VAV3: variants seen among roughly 807,000 people sequenced by gnomAD.
The protein encoded by VAV3 is vav guanine nucleotide exchange factor 3, also known as guanine nucleotide exchange factor VAV3.
Under a neutral mutation model 131.2 loss-of-function variants are expected in VAV3, and 94 were observed. The ratio of observed to expected loss-of-function variants is 0.72; its 90% confidence interval spans 0.61 to 0.85. The LOEUF is 0.85. Ranked by LOEUF, VAV3 falls within the 40% of genes least tolerant of loss-of-function variation. The probability of loss-of-function intolerance (pLI) is 0.00; values close to 1 mark genes in which losing one functional copy is unlikely to be tolerated. For missense variants in VAV3, 939 were observed against 1,002.7 expected (o/e 0.94, Z 0.86); for synonymous variants, 349 against 342.0 (o/e 1.02, Z -0.22).
rs547772414 is a variant in VAV3 at position 107,772,923 on chromosome 1, G to A, written c.447-80C>T. ...GCTACAAATAGCCTACTGGATTTTAGTAAAAAATCCAGAAAGGAAATAAAA... is the reference window on the plus strand; with the variant it reads ...GCTACAAATAGCCTACTGGATTTTAATAAAAAATCCAGAAAGGAAATAAAA... On this transcript the variant is annotated intron_variant, in intron 4 of 26. Coordinates refer to ENST00000370056, the MANE Select transcript of VAV3 (RefSeq NM_006113.5). 347 of 1,204,918 alleles carry A rather than the reference G, an allele frequency of 2.9e-4. 3 individuals are homozygous for A. In the South Asian group the frequency reaches 4.5e-3, roughly 16 times the overall value. 74.6% of individuals were successfully genotyped at this position (1,204,918 alleles called of 1,614,324 possible). A position where few individuals can be genotyped will look rare whatever the true frequency, so the allele number is the denominator to read the frequency against.
chr1:107,864,533 G>C (rs1196926020), intron 2 of VAV3, among the ~76,000 whole-genome samples: 2 of 152,180 alleles, frequency 1.3e-5, no homozygotes, highest in African/African-American at 4.8e-5. Flanking sequence ...TGAGGTGGAA[G>C]GATTGCTTCA....
intron 2 of VAV3, among the ~76,000 whole-genome samples, chr1:107,798,018 A>G (rs1479865515): frequency 2.0e-5 from 3 of 152,178 alleles, no homozygotes; most frequent in Non-Finnish European, 4.4e-5. Context: ...ACACAAGACC[A>G]TAGTTTCAAA....
In VAV3 at chr1:107,681,590, T is replaced by C. The variant is rs528175440; in HGVS notation, c.1777+1898A>G. Reference sequence around the variant, plus strand: ...AAGATCATCAAGTGTTTGGGTTTTTTATTTCCAAAAATATGGAAAAAGGAA... The same window carrying C: ...AAGATCATCAAGTGTTTGGGTTTTTCATTTCCAAAAATATGGAAAAAGGAA... On this transcript the variant is annotated intron_variant, in intron 19 of 26. Coordinates refer to ENST00000370056, the MANE Select transcript of VAV3 (RefSeq NM_006113.5). Among the ~76,000 whole-genome samples, 58 of 152,260 alleles carry C rather than the reference T, an allele frequency of 3.8e-4. 2 individuals carry two copies. Among genetic ancestry groups the C allele is most frequent in the Middle Eastern group, 3.4e-3 (1 of 294 alleles).
intron 6 of VAV3, among the ~76,000 whole-genome samples, chr1:107,769,237 C>A (rs192242602): frequency 6.6e-6 from 1 of 152,160 alleles, no homozygotes; most frequent in South Asian, 2.1e-4. Context: ...AATCCCCTTA[C>A]CTTCTCTTCT....
chr1:107,638,813 T>C (rs944571642), intron 20 of VAV3, among the ~76,000 whole-genome samples: 8 of 152,128 alleles, frequency 5.3e-5, no homozygotes, highest in African/African-American at 1.7e-4. Flanking sequence ...CAGCATCACA[T>C]TGGTACAAAG....
chr1:107,739,663 A>C (rs1662890511), intron 15 of VAV3, among the ~76,000 whole-genome samples: 1 of 152,246 alleles, frequency 6.6e-6, no homozygotes, highest in Admixed American at 6.5e-5. Context: ...AACAAAAAAC[A>C]ATCCAAAAGG....
At chr1:107,692,202 T>C (rs1351549224) in intron 17 of VAV3, among the ~76,000 whole-genome samples, 1 of 152,160 alleles carries the variant, frequency 6.6e-6, no homozygotes, top group Non-Finnish European at 1.5e-5. Flanking sequence ...TGGAGAAAGT[T>C]CACTTTCACA....
At position 107,574,347 on chromosome 1, in the gene VAV3, C is replaced by A. The variant is rs1649467677; in HGVS notation, c.2351-149G>T. 6 of 955,062 alleles carry A rather than the reference C, an allele frequency of 6.3e-6. No homozygotes were observed. The Admixed American group carries it at 1.0e-4, about 16-fold the overall frequency. 59.2% of individuals were successfully genotyped at this position (955,062 alleles called of 1,614,324 possible). On this transcript the variant is annotated intron_variant, in intron 25 of 26. Coordinates refer to ENST00000370056, the MANE Select transcript of VAV3 (RefSeq NM_006113.5). Reference sequence around the variant, plus strand: ...TAATGGCAGAGGAGCTTGAAAGCAGCAGAATTGCTGTTTCAATTCAATCAG... The same window carrying A: ...TAATGGCAGAGGAGCTTGAAAGCAGAAGAATTGCTGTTTCAATTCAATCAG...
chr1:107,672,282 A>G lies in VAV3; in HGVS notation c.1777+11206T>C, dbSNP rs974102266. ...AGACTCTGTCTCAAAAAAAAAAAAA[A>G]AAAAAAAAAGATAAATTTAAATTCT... On this transcript the variant is annotated intron_variant, in intron 19 of 26. Coordinates refer to ENST00000370056, the MANE Select transcript of VAV3 (RefSeq NM_006113.5). 3.3e-5 allele frequency: 5 copies of G among 151,858 alleles called. No individual in the cohort carries two copies. The South Asian group carries it at 1.0e-3, about 31-fold the overall frequency. 9.4% of individuals were successfully genotyped at this position (151,858 alleles called of 1,614,324 possible).
intron 17 of VAV3, among the ~76,000 whole-genome samples, chr1:107,699,374 T>C (rs1279590225): frequency 1.3e-5 from 2 of 152,208 alleles, no homozygotes; most frequent in Admixed American, 6.5e-5. Flanking sequence ...ATGCAAGAGG[T>C]AGGCACCCAG....
chr1:107,658,125 C>T (rs930077310), intron 19 of VAV3, among the ~76,000 whole-genome samples: 2 of 152,114 alleles, frequency 1.3e-5, no homozygotes, highest in Admixed American at 6.5e-5. Flanking sequence ...CAATAAAGTA[C>T]GTTCAACGTG....
chr1:107,819,038 T>C (rs927785499), intron 2 of VAV3, among the ~76,000 whole-genome samples: 1 of 152,190 alleles, frequency 6.6e-6, no homozygotes, highest in African/African-American at 2.4e-5. Flanking sequence ...ATATTAGTGA[T>C]CCCTGTTTTT....
At chr1:107,887,072 G>A (rs1167397332) in intron 1 of VAV3, among the ~76,000 whole-genome samples, 1 of 152,200 alleles carries the variant, frequency 6.6e-6, no homozygotes, top group Non-Finnish European at 1.5e-5. Flanking sequence ...ACACTTGTTA[G>A]TATGTTTTTA....
At chr1:107,682,855 A>G (rs1299622792) in intron 19 of VAV3, among the ~76,000 whole-genome samples, 2 of 152,230 alleles carry the variant, frequency 1.3e-5, no homozygotes, top group African/African-American at 2.4e-5. Flanking sequence ...GATCACATAC[A>G]TAAAAAATCT....
intron 1 of VAV3, among the ~76,000 whole-genome samples, chr1:107,919,119 C>T (rs1368138926): frequency 6.6e-6 from 1 of 152,142 alleles, no homozygotes; most frequent in East Asian, 1.9e-4. Flanking sequence ...AAATCAATGA[C>T]TTGAAATATA....
In VAV3 at chr1:107,735,454, C is replaced by T. The variant is rs151192116; in HGVS notation, c.1502+13514G>A. 3.4e-3 allele frequency among the ~76,000 whole-genome samples: 521 copies of T among 152,000 alleles called. 3 individuals carry two copies. The highest frequency in any genetic ancestry group is 0.01 in the African/African-American group (433 of 41,428). ...TGAAAAGATCACAAAATAGATAGAC[C>T]GCTAGCAAGACTAATAAAGAAGAAA... On this transcript the variant is annotated intron_variant, in intron 15 of 26. Transcript: ENST00000370056.
intron 2 of VAV3, among the ~76,000 whole-genome samples, chr1:107,873,174 A>G (rs1186158875): frequency 6.6e-6 from 1 of 152,168 alleles, no homozygotes; most frequent in Non-Finnish European, 1.5e-5. Flanking sequence ...CTTGAGAAGC[A>G]TACAGTTTAT....
intron 2 of VAV3, among the ~76,000 whole-genome samples, chr1:107,785,093 T>C (rs1665907864): frequency 6.6e-6 from 1 of 152,228 alleles, no homozygotes; most frequent in Non-Finnish European, 1.5e-5. Flanking sequence ...TGTACACTGA[T>C]AAAACTACCC....
At chr1:107,596,180 C>T (rs1651366421) in intron 25 of VAV3, 32 bp downstream of exon 25, 3 of 1,594,604 alleles carry the variant, frequency 1.9e-6, no homozygotes, top group Non-Finnish European at 2.6e-6. Context: ...TTTTAAGTGA[C>T]AGCAAATTGT....
Sources: gnomAD v4.1 joint callset for allele counts (sites outside exome capture counted in the v4.1 genomes callset) on GRCh38, gnomAD v4.1.1 for gene constraint, MANE v1.5 for transcripts, NCBI Gene and HGNC (gene_info 2026-07-23, HGNC 2026-07-21) for gene names.